SKAP1: variants seen among roughly 807,000 people sequenced by gnomAD.
SKAP1 encodes the protein src kinase associated phosphoprotein 1, also known as src kinase-associated phosphoprotein 1.
SKAP1 carries 44 observed loss-of-function variants against 58.5 expected under a neutral mutation model. That is an observed-to-expected ratio of 0.75 (90% CI 0.59 to 0.97). The LOEUF (loss-of-function observed/expected upper bound fraction) is 0.97, where lower values mean the gene tolerates loss of function less well. Among genes scored for constraint, SKAP1 ranks in the 50% least tolerant of loss-of-function variants. SKAP1 has a pLI of 0.00. For missense variants in SKAP1, 390 were observed against 435.2 expected (o/e 0.90, Z 0.92); for synonymous variants, 127 against 149.7 (o/e 0.85, Z 1.11).
rs188756884 is a variant in SKAP1 at position 48,276,530 on chromosome 17, T to C, written c.280+69375A>G. ...CACAGTCTGCATCAGTAAGGAAGAA[T>C]TAGGAAGCAGAAGGGGTGATGCTGC... On this transcript the variant is annotated intron_variant, in intron 4 of 12. Coordinates refer to ENST00000336915, the MANE Select transcript of SKAP1 (RefSeq NM_003726.4). 1.3e-3 allele frequency among the ~76,000 whole-genome samples: 204 copies of C among 152,324 alleles called. 1 individual carries two copies. Among genetic ancestry groups the C allele is most frequent in the Non-Finnish European group, 2.3e-3 (158 of 68,022 alleles).
chr17:48,173,185 C>CT (rs1045495905), intron 9 of SKAP1, among the ~76,000 whole-genome samples: 3 of 92,860 alleles, frequency 3.2e-5, no homozygotes, highest in Non-Finnish European at 7.3e-5. Flanking sequence ...GACCTTGTCT[C>CT]TAAAAAAAAA....
chr17:48,231,473 G>GGAAGGGTACTACAGAAGTA (rs1307992143), intron 4 of SKAP1, among the ~76,000 whole-genome samples: 2 of 152,122 alleles, frequency 1.3e-5, no homozygotes, highest in Admixed American at 1.3e-4. Flanking sequence ...CATAGTTTGA[G>GGAAGGGTACTACAGAAGTA]GAAGGGTACT....
chr17:48,444,415 G>GGTT, the SKAP1 span, among the ~76,000 whole-genome samples: 6 of 152,130 alleles, frequency 3.9e-5, no homozygotes, highest in Non-Finnish European at 7.4e-5. Flanking sequence ...CACCCAGTAT[G>GGTT]GTTATCAAAA....
At chr17:48,144,297 A>G (rs1272144499) in intron 11 of SKAP1, among the ~76,000 whole-genome samples, 2 of 152,138 alleles carry the variant, frequency 1.3e-5, no homozygotes, top group African/African-American at 2.4e-5. Context: ...GCATGAATGG[A>G]AAATTTCTAA....
At chr17:48,388,989 G>A (rs1339794159) in intron 2 of SKAP1, among the ~76,000 whole-genome samples, 1 of 152,178 alleles carries the variant, frequency 6.6e-6, no homozygotes, top group African/African-American at 2.4e-5. Flanking sequence ...TGGCCATAAA[G>A]TTTTCTGTAA....
At chr17:48,273,942 T>C (rs1039839060) in intron 4 of SKAP1, among the ~76,000 whole-genome samples, 1 of 149,926 alleles carries the variant, frequency 6.7e-6, no homozygotes, top group Non-Finnish European at 1.5e-5. Context: ...CTTTTAGAGA[T>C]GGGGTCTTGC....
chr17:48,261,823 G>GA (rs35542714), intron 4 of SKAP1, among the ~76,000 whole-genome samples: 4 of 151,892 alleles, frequency 2.6e-5, no homozygotes, highest in Non-Finnish European at 2.9e-5. Context: ...TATGGTGGGG[G>GA]AAAAAACCAT....
rs550703392 is a variant in SKAP1 at position 48,151,312 on chromosome 17, G to T, written c.978+11157C>A. 3.9e-5 allele frequency among the ~76,000 whole-genome samples: 6 copies of T among 152,298 alleles called. No homozygotes were observed. The South Asian group carries it at 1.2e-3, about 32-fold the overall frequency. On this transcript the variant is annotated intron_variant, in intron 11 of 12. Transcript: ENST00000336915. The stretch of plus-strand genomic sequence containing the variant: ...ACAACTACATAGCTATAGCGTAAAT[G>T]AATTCAGAATTAAAGTGTTACTTAG...
intron 11 of SKAP1, among the ~76,000 whole-genome samples, chr17:48,154,602 T>G (rs936096319): frequency 6.6e-6 from 1 of 152,156 alleles, no homozygotes; most frequent in Non-Finnish European, 1.5e-5. Context: ...CTGGCTCAGT[T>G]TACCTTAAAT....
intron 2 of SKAP1, among the ~76,000 whole-genome samples, chr17:48,382,093 C>T (rs1363234903): frequency 6.6e-6 from 1 of 151,900 alleles, no homozygotes; most frequent in Non-Finnish European, 1.5e-5. Context: ...ACAGTATCAA[C>T]CTCACACACC....
At chr17:48,390,450 T>C (rs8072002) in intron 2 of SKAP1, among the ~76,000 whole-genome samples, 93,813 of 151,906 alleles carry the variant, frequency 0.62, 29,723 homozygotes, top group African/African-American at 0.76. Flanking sequence ...CTACAGACAG[T>C]GAGGCTTCAC....
intron 4 of SKAP1, chr17:48,193,849 G>T: frequency 1.9e-6 from 1 of 538,038 alleles, no homozygotes; most frequent in East Asian, 1.5e-4. Context: ...TTAAAGGACG[G>T]TTATAAAAAT....
At chr17:48,376,956 C>T (rs1436003809) in intron 2 of SKAP1, among the ~76,000 whole-genome samples, 1 of 152,030 alleles carries the variant, frequency 6.6e-6, no homozygotes, top group Non-Finnish European at 1.5e-5. Context: ...ACAGAGAGGC[C>T]AGGCCCAAGA....
At chr17:48,371,762 G>T (rs2144432990) in intron 2 of SKAP1, among the ~76,000 whole-genome samples, 1 of 147,494 alleles carries the variant, frequency 6.8e-6, no homozygotes, top group East Asian at 2.0e-4. Context: ...CCTTGAGCCT[G>T]TGAGGTTGAG....
chr17:48,334,787 G>A (rs934773737), intron 4 of SKAP1, among the ~76,000 whole-genome samples: 10 of 151,734 alleles, frequency 6.6e-5, no homozygotes, highest in African/African-American at 2.4e-4. Context: ...CTGTAGGTTG[G>A]TTAAATTTTG....
intron 4 of SKAP1, among the ~76,000 whole-genome samples, chr17:48,204,969 TTTC>T (rs2064777574): frequency 2.3e-5 from 1 of 44,416 alleles, no homozygotes. Context: ...TTTCTTTTCT[TTTC>T]TTTTCTTTCT....
intron 4 of SKAP1, among the ~76,000 whole-genome samples, chr17:48,274,264 C>T (rs2065670675): frequency 1.3e-5 from 2 of 151,918 alleles, no homozygotes; most frequent in Non-Finnish European, 1.5e-5. Flanking sequence ...GGCATGGTGG[C>T]ACGGGCCCGT....
chr17:48,207,214 G>A (rs2064820597), intron 4 of SKAP1, among the ~76,000 whole-genome samples: 1 of 152,104 alleles, frequency 6.6e-6, no homozygotes, highest in Admixed American at 6.6e-5. Context: ...GTTGGGCATG[G>A]TGACTCACGC....
chr17:48,259,388 T>A (rs771202059), intron 4 of SKAP1, among the ~76,000 whole-genome samples: 2 of 152,170 alleles, frequency 1.3e-5, no homozygotes, highest in Non-Finnish European at 2.9e-5. Context: ...TATTATTATT[T>A]ATGAAATTAC....
Sources: gnomAD v4.1 joint callset for allele counts (sites outside exome capture counted in the v4.1 genomes callset) on GRCh38, gnomAD v4.1.1 for gene constraint, MANE v1.5 for transcripts, NCBI Gene and HGNC (gene_info 2026-07-23, HGNC 2026-07-21) for gene names.